Variants in ELAVL4 observed in about 807,000 individuals in gnomAD.
ELAVL4 encodes the protein ELAV-like protein 4.
Under a neutral mutation model 35.6 loss-of-function variants are expected in ELAVL4, and 1 was observed. That is an observed-to-expected ratio of 0.03 (90% CI 0.01 to 0.13). ELAVL4 has a LOEUF of 0.13. Among genes scored for constraint, ELAVL4 ranks in the 10% least tolerant of loss-of-function variants. The probability of loss-of-function intolerance (pLI) is 1.00; values close to 1 mark genes in which losing one functional copy is unlikely to be tolerated. For synonymous variants in ELAVL4, 156 were observed against 171.0 expected (o/e 0.91, Z 0.69); for missense variants, 267 against 464.9 (o/e 0.57, Z 3.91).
chr1:50,099,728 T>G (rs1044799463), upstream of ELAVL4, among the ~76,000 whole-genome samples: 1 of 152,312 alleles, frequency 6.6e-6, no homozygotes, highest in Middle Eastern at 3.4e-3. Context: ...AGATTAATGC[T>G]TTGGGACTTT....
chr1:50,050,018 T>A (rs1268584870), intron 1 of ELAVL4, among the ~76,000 whole-genome samples: 1 of 152,180 alleles, frequency 6.6e-6, no homozygotes, highest in Non-Finnish European at 1.5e-5. Flanking sequence ...TTTGTGTAAG[T>A]GCAATATAGT....
At chr1:50,146,553 G>A (rs1673761664) in intron 2 of ELAVL4, among the ~76,000 whole-genome samples, 1 of 152,030 alleles carries the variant, frequency 6.6e-6, no homozygotes, top group Admixed American at 6.6e-5. Flanking sequence ...CAAGGAAAGT[G>A]GCCAGAACAG....
At chr1:50,176,967 T>A in intron 2 of ELAVL4, 122 bp from the exon 3 acceptor site, 1 of 719,612 alleles carries the variant, frequency 1.4e-6, no homozygotes, top group Non-Finnish European at 2.3e-6. Flanking sequence ...CAAAGGAGAG[T>A]TTTGACTCAC....
chr1:50,187,725 G>C (rs2148863382), intron 3 of ELAVL4, among the ~76,000 whole-genome samples: 1 of 152,294 alleles, frequency 6.6e-6, no homozygotes, highest in South Asian at 2.1e-4. Flanking sequence ...GCCCTGGGGT[G>C]TGAAGCTAGA....
At chr1:50,190,901 A>G (rs1682567546) in intron 3 of ELAVL4, among the ~76,000 whole-genome samples, 1 of 152,182 alleles carries the variant, frequency 6.6e-6, no homozygotes, top group African/African-American at 2.4e-5. Flanking sequence ...GAGGAAGGCT[A>G]TTATCAGGCC....
intron 1 of ELAVL4, among the ~76,000 whole-genome samples, chr1:50,084,885 T>C (rs1665170558): frequency 6.6e-6 from 1 of 152,202 alleles, no homozygotes; most frequent in South Asian, 2.1e-4. Context: ...TCATTTTATT[T>C]GCCTTTTTAT....
At chr1:50,171,872 A>G (rs983672017) in intron 2 of ELAVL4, among the ~76,000 whole-genome samples, 1 of 152,204 alleles carries the variant, frequency 6.6e-6, no homozygotes, top group Non-Finnish European at 1.5e-5. Context: ...TTAACCTAGT[A>G]TGTGGATTAC....
exon 1 of ELAVL4, chr1:50,048,056 G>C: frequency 7.6e-7 from 1 of 1,312,628 alleles, no homozygotes; most frequent in Non-Finnish European, 9.9e-7. Flanking sequence ...CGGAGCCGCA[G>C]AGCGAGCTAG....
At chr1:50,055,775 G>A (rs541762294) in intron 1 of ELAVL4, among the ~76,000 whole-genome samples, 182 of 152,128 alleles carry the variant, frequency 1.2e-3, no homozygotes, top group Non-Finnish European at 1.6e-3. Context: ...TTAGTATGAG[G>A]CTCCTTCAAC....
chr1:50,065,605 G>A (rs779587749), intron 1 of ELAVL4, among the ~76,000 whole-genome samples: 4 of 152,094 alleles, frequency 2.6e-5, no homozygotes, highest in Non-Finnish European at 5.9e-5. Flanking sequence ...AGTATGTCTC[G>A]GGGTGGACTG....
intron 3 of ELAVL4, chr1:50,180,709 A>G (rs1680890753): frequency 6.6e-6 from 1 of 152,158 alleles, no homozygotes; most frequent in Admixed American, 6.5e-5. Flanking sequence ...CCCACCACAC[A>G]TCTTGGAGAT....
At chr1:50,115,995 G>C (rs1667877441) in intron 1 of ELAVL4, among the ~76,000 whole-genome samples, 1 of 152,092 alleles carries the variant, frequency 6.6e-6, no homozygotes, top group Non-Finnish European at 1.5e-5. Flanking sequence ...GAAAAGGTCT[G>C]CTGGAACATT....
chr1:50,135,926 C>T (rs533112520), intron 1 of ELAVL4, among the ~76,000 whole-genome samples: 1 of 152,182 alleles, frequency 6.6e-6, no homozygotes, highest in Admixed American at 6.5e-5. Context: ...TCCAAGTTCC[C>T]TTTTCCTAGA....
intron 2 of ELAVL4, among the ~76,000 whole-genome samples, chr1:50,168,903 AT>A (rs1678455553): frequency 6.6e-6 from 1 of 151,210 alleles, no homozygotes; most frequent in Non-Finnish European, 1.5e-5. Context: ...CAAAATCTGT[AT>A]TAGTCAGGGT....
chr1:50,177,038 CTCT>C, intron 2 of ELAVL4, 48 bp from the exon 3 acceptor site: 1 of 1,478,406 alleles, frequency 6.8e-7, no homozygotes, highest in South Asian at 1.2e-5. Flanking sequence ...CTCTCTTTCT[CTCT>C]GTCTGTCTCT....
chr1:50,048,296 C>G, intron 1 of ELAVL4: 1 of 1,308,762 alleles, frequency 7.6e-7, no homozygotes, highest in Non-Finnish European at 1.0e-6. Flanking sequence ...GCCTGGCCAC[C>G]CCGACTCCCA....
chr1:50,171,658 G>A (rs932186983), intron 2 of ELAVL4, among the ~76,000 whole-genome samples: 3 of 152,176 alleles, frequency 2.0e-5, no homozygotes, highest in Admixed American at 2.0e-4. Context: ...TTCCAGATAA[G>A]AGAGCATACT....
intron 1 of ELAVL4, among the ~76,000 whole-genome samples, chr1:50,083,394 C>T (rs942828935): frequency 6.6e-6 from 1 of 152,094 alleles, no homozygotes; most frequent in Non-Finnish European, 1.5e-5. Context: ...TACATTATTA[C>T]TAATTCATCA....
intron 1 of ELAVL4, among the ~76,000 whole-genome samples, chr1:50,142,354 C>T (rs990602541): frequency 6.6e-6 from 1 of 151,872 alleles, no homozygotes; most frequent in Non-Finnish European, 1.5e-5. Context: ...TGTGCACCAC[C>T]ACACACACAC....
Sources: allele counts gnomAD v4.1 joint callset (sites outside exome capture counted in the v4.1 genomes callset), GRCh38; gene constraint gnomAD v4.1.1; transcripts MANE v1.5; gene names NCBI Gene and HGNC (gene_info 2026-07-23, HGNC 2026-07-21).